Variants in LINS1 observed in about 807,000 individuals in gnomAD.
LINS1 encodes the protein lines homolog 1, also known as protein Lines homolog 1.
Under a neutral mutation model 41.6 loss-of-function variants are expected in LINS1, and 27 were observed. That is an observed-to-expected ratio of 0.65 (90% confidence interval 0.48 to 0.89). The LOEUF is 0.89. LINS1 is among the 40% of genes least tolerant of loss of function. LINS1 has a pLI of 0.00. For missense variants in LINS1, 955 were observed against 884.1 expected (o/e 1.08, Z -1.02); for synonymous variants, 336 against 312.9 (o/e 1.07, Z -0.78).
rs757552885 is a variant in LINS1 at position 100,580,584 on chromosome 15, C to T, written c.259G>A (p.Glu87Lys). ...KTNSQMSGSREVMLLQLTVIK... is the reference protein window; with the variant it reads ...KTNSQMSGSRKVMLLQLTVIK... ...ACTGTTAACTGAAGGAGCATTACTT[C>T]TCTGGAACCGCTCATCTGAGAGTTG... The change falls in exon 2 of 7, where the codon GAA becomes AAA. Residue 87 changes from glutamate to lysine, a missense_variant. Physicochemically the swap from Glu to Lys is moderately conservative, Grantham distance 56. Coordinates refer to ENST00000314742, the MANE Select transcript of LINS1 (RefSeq NM_001040616.3). 9 of 1,614,048 alleles carry T rather than the reference C, an allele frequency of 5.6e-6. No individual in the cohort carries two copies. Among genetic ancestry groups the T allele is most frequent in the Non-Finnish European group, 7.6e-6 (9 of 1,179,956 alleles).
Position 100,568,605 on chromosome 15 carries a change from T to G in LINS1, c.*633A>C, listed in dbSNP as rs11637225. 55,418 of 152,248 alleles carry G rather than the reference T, an allele frequency of 0.36. 11,130 individuals are homozygous for G. Among genetic ancestry groups the G allele is most frequent in the Non-Finnish European group, 0.47 (32,018 of 68,120 alleles). The allele number at this position is 152,248 out of a possible 1,614,324, so 9.4% of individuals were successfully genotyped here. On this transcript the variant is annotated 3_prime_UTR_variant, in exon 7 of 7. Coordinates refer to ENST00000314742, the MANE Select transcript of LINS1 (RefSeq NM_001040616.3). ...CCTGCTGAAGCCTGAGTTTGGATTC[T>G]GGCCTCCAAAACTATGAGGATAATT...
At chr15:100,586,719 T>C (rs567063657) in intron 1 of LINS1, among the ~76,000 whole-genome samples, 1 of 152,320 alleles carries the variant, frequency 6.6e-6, no homozygotes, top group East Asian at 1.9e-4. Context: ...TGAAATACCA[T>C]AGTAAGAAAC....
At chr15:100,586,558 G>C (rs551198846) in intron 1 of LINS1, among the ~76,000 whole-genome samples, 5 of 152,282 alleles carry the variant, frequency 3.3e-5, no homozygotes, top group Admixed American at 2.6e-4. Flanking sequence ...TTTCACACAA[G>C]TTTTAGGTTA....
intron 3 of LINS1, among the ~76,000 whole-genome samples, chr15:100,580,041 G>A: frequency 6.6e-6 from 1 of 152,064 alleles, no homozygotes; most frequent in East Asian, 1.9e-4. Flanking sequence ...AAAATCAAAT[G>A]TCAAAGAGCA....
At chr15:100,573,293 T>C (rs1023586893) in intron 5 of LINS1, 1 of 859,386 alleles carries the variant, frequency 1.2e-6, no homozygotes, top group Non-Finnish European at 1.5e-6. Context: ...TGGGCCATGG[T>C]CACGCACCTG....
intron 1 of LINS1, among the ~76,000 whole-genome samples, chr15:100,587,239 G>A (rs1178811908): frequency 6.6e-6 from 1 of 151,074 alleles, no homozygotes; most frequent in Non-Finnish European, 1.5e-5. Flanking sequence ...ATTTAGTGTG[G>A]AGCCAAATTT....
Position 100,567,847 on chromosome 15 carries a change from A to G in LINS1, c.*1391T>C, listed in dbSNP as rs952228970. On this transcript the variant is annotated 3_prime_UTR_variant, in exon 7 of 7. Coordinates refer to ENST00000314742, the MANE Select transcript of LINS1 (RefSeq NM_001040616.3). ...CTGTTATTTTAATCGGCAACCTTCT[A>G]TTTAGCTCCACTGATTTTTCCATGT... The G allele has an allele frequency of 6.6e-5, 10 of 152,164 alleles. No individual in the cohort carries two copies. Among genetic ancestry groups the G allele is most frequent in the African/African-American group, 2.2e-4 (9 of 41,450 alleles). The allele number at this position is 152,164 out of a possible 1,614,324, so 9.4% of individuals were successfully genotyped here.
At chr15:100,575,345 GA>G (rs1289685169) in intron 3 of LINS1, among the ~76,000 whole-genome samples, 4 of 151,548 alleles carry the variant, frequency 2.6e-5, no homozygotes, top group Admixed American at 6.6e-5. Flanking sequence ...CAAGCAAATG[GA>G]AAACAAAAAA....
chr15:100,589,079 A>G (rs2038927451), intron 1 of LINS1, among the ~76,000 whole-genome samples: 1 of 152,212 alleles, frequency 6.6e-6, no homozygotes, highest in African/African-American at 2.4e-5. Context: ...GTACTTAATT[A>G]AAACCCCAAA....
At chr15:100,575,566 A>T (rs1022160971) in intron 3 of LINS1, among the ~76,000 whole-genome samples, 7 of 152,140 alleles carry the variant, frequency 4.6e-5, no homozygotes, top group African/African-American at 1.7e-4. Context: ...CTCCCACACA[A>T]TAATAATGGG....
chr15:100,574,244 G>C lies in LINS1; in HGVS notation c.632-3C>G. Reference sequence around the variant, plus strand: ...AGTCAGGAACTGCTTTAGAATTTCTGCAATTATAAAAATAGGAATTATAAA... The same window carrying C: ...AGTCAGGAACTGCTTTAGAATTTCTCCAATTATAAAAATAGGAATTATAAA... On this transcript the variant is annotated splice_region_variant and splice_polypyrimidine_tract_variant and intron_variant, in intron 4 of 6. Coordinates refer to ENST00000314742, the MANE Select transcript of LINS1 (RefSeq NM_001040616.3). 6.4e-7 allele frequency: 1 copy of C among 1,551,902 alleles called. No individual in the cohort carries two copies. Among genetic ancestry groups the C allele is most frequent in the Non-Finnish European group, 8.9e-7 (1 of 1,123,744 alleles).
At chr15:100,598,648 G>A (rs1327571755) in intron 1 of LINS1, among the ~76,000 whole-genome samples, 1 of 152,178 alleles carries the variant, frequency 6.6e-6, no homozygotes. Context: ...TTCTTTCGGC[G>A]TTCTTTTTGC....
chr15:100,569,581 A>G lies in LINS1; in HGVS notation c.1931T>C (p.Leu644Ser). ...TAAAGATGTCTGTTTACTGTTAGCT[A>G]AACACTGCTCTGTGGATTCCACGTC... ...DSDVESTEQC[L>S]ANSKQTSLHQ... is the part of the protein sequence containing the mutation. Residue 644 changes from leucine to serine, a missense_variant, in exon 7 of 7, where the codon TTA becomes TCA. Coordinates refer to ENST00000314742, the MANE Select transcript of LINS1 (RefSeq NM_001040616.3). 6.2e-7 allele frequency: 1 copy of G among 1,614,104 alleles called. No individual in the cohort carries two copies. The highest frequency in any genetic ancestry group is 8.5e-7 in the Non-Finnish European group (1 of 1,179,946).
rs868453387 is a variant in LINS1 at position 100,582,358 on chromosome 15, C to G, written c.-103-1413G>C. Among the ~76,000 whole-genome samples the G allele has an allele frequency of 5.9e-3, 786 of 133,814 alleles. 235 individuals carry two copies. The highest frequency in any genetic ancestry group is 0.023 in the Middle Eastern group (5 of 218). The allele number at this position is 133,814 out of a possible 152,430, so 87.8% of individuals were successfully genotyped here. Reference sequence around the variant, plus strand: ...ACTGGTTCTTCCATCTACAACATGGCCCACTAGCCTAGTCTTGGTCTTACA... The same window carrying G: ...ACTGGTTCTTCCATCTACAACATGGGCCACTAGCCTAGTCTTGGTCTTACA... On this transcript the variant is annotated intron_variant, in intron 1 of 6. Transcript: ENST00000314742.
Position 100,575,083 on chromosome 15 carries a change from A to G in LINS1, c.535T>C (p.Ser179Pro). The change falls in exon 4 of 7, where the codon TCT becomes CCT. Residue 179 changes from serine to proline, a missense_variant. Transcript: ENST00000314742. Reference protein sequence around the residue: ...SWIAFCQKNLSEYSESNKAIY... With the variant: ...SWIAFCQKNLPEYSESNKAIY... ...GCTTTATTACTCTCAGAGTATTCAG[A>G]AAGATTTTTCTGGCAAAAAGCAATC... 6.2e-7 allele frequency: 1 copy of G among 1,612,732 alleles called. No individual in the cohort carries two copies.
chr15:100,582,519 G>C (rs1209481591), intron 1 of LINS1, among the ~76,000 whole-genome samples: 1 of 142,762 alleles, frequency 7.0e-6, no homozygotes, highest in Non-Finnish European at 1.5e-5. Context: ...CACCAGCCTA[G>C]TCTTGGTCTT....
Position 100,569,318 on chromosome 15 carries a change from A to G in LINS1, c.2194T>C (p.Phe732Leu). Residue 732 changes from phenylalanine to leucine, a missense_variant, in exon 7 of 7, where the codon TTC becomes CTC. By Grantham distance (22) the Phe-to-Leu change is conservative. Transcript: ENST00000314742. Reference sequence around the variant, plus strand: ...AAAAGTGCAGTTGGATTATATGGGAAAAGATTTTTCTTTTGCAAACGGCAG... The same window carrying G: ...AAAAGTGCAGTTGGATTATATGGGAGAAGATTTTTCTTTTGCAAACGGCAG... ...AICRLQKKNL[F>L]PYNPTALLKL... The G allele has an allele frequency of 6.2e-7, 1 of 1,613,938 alleles. No homozygotes were observed. Among genetic ancestry groups the G allele is most frequent in the Non-Finnish European group, 8.5e-7 (1 of 1,179,830 alleles).
At chr15:100,570,781 G>T (rs963833742) in intron 6 of LINS1, 2 of 152,156 alleles carry the variant, frequency 1.3e-5, no homozygotes, top group African/African-American at 4.8e-5. Context: ...GCCAATAAAT[G>T]CTGGCTTTTG....
At chr15:100,601,404 C>G in intron 1 of LINS1, among the ~76,000 whole-genome samples, 1 of 152,074 alleles carries the variant, frequency 6.6e-6, no homozygotes, top group East Asian at 1.9e-4. Flanking sequence ...CCGTGATAAC[C>G]CATTAATCCA....
Sources: allele counts gnomAD v4.1 joint callset (sites outside exome capture counted in the v4.1 genomes callset), GRCh38; gene constraint gnomAD v4.1.1; transcripts MANE v1.5; gene names NCBI Gene and HGNC (gene_info 2026-07-23, HGNC 2026-07-21).